Variants in ARHGAP6 observed in about 807,000 individuals in gnomAD.
ARHGAP6 encodes the protein Rho GTPase activating protein 6.
A neutral mutation model predicts 55.7 loss-of-function variants in ARHGAP6; 16 were observed. The observed-to-expected ratio is 0.29, with a 90% confidence interval of 0.19 to 0.44. ARHGAP6 has a LOEUF of 0.44. Among genes scored for constraint, ARHGAP6 ranks in the 20% least tolerant of loss-of-function variants. The probability of loss-of-function intolerance (pLI) is 1.00; values close to 1 mark genes in which losing one functional copy is unlikely to be tolerated. For synonymous variants in ARHGAP6, 382 were observed against 360.9 expected, an observed-to-expected ratio of 1.06 and a Z score of -0.66; for missense variants, 698 against 808.9, an observed-to-expected ratio of 0.86 and a Z score of 1.66.
intron 1 of ARHGAP6, among the ~76,000 whole-genome samples, chrX:11,453,121 C>A (rs2050158463): frequency 9.4e-6 from 1 of 106,332 alleles, no homozygotes; most frequent in African/African-American, 3.4e-5. Context: ...TAGAAGTGGT[C>A]AAGCTAAAAT....
At chrX:11,458,348 G>A (rs1338252949) in intron 1 of ARHGAP6, among the ~76,000 whole-genome samples, 2 of 112,266 alleles carry the variant, frequency 1.8e-5, no homozygotes, top group African/African-American at 6.5e-5. Flanking sequence ...AAGCAGCAGG[G>A]CAGGAATAAG....
chrX:11,625,042 C>A (rs1019115744), intron 1 of ARHGAP6, among the ~76,000 whole-genome samples: 3 of 111,744 alleles, frequency 2.7e-5, no homozygotes, highest in African/African-American at 9.8e-5. Context: ...AAAGGCAATG[C>A]TAGTATACTG....
At chrX:11,653,086 G>A (rs1379397307) in intron 1 of ARHGAP6, among the ~76,000 whole-genome samples, 1 of 111,899 alleles carries the variant, frequency 8.9e-6, no homozygotes, top group Non-Finnish European at 1.9e-5. Context: ...GTAGTATGTG[G>A]AAATAAAAAC....
At chrX:11,620,385 A>T (rs749107156) in intron 1 of ARHGAP6, among the ~76,000 whole-genome samples, 7 of 112,610 alleles carry the variant, frequency 6.2e-5, no homozygotes, top group African/African-American at 9.7e-5. Context: ...AATTGTGATA[A>T]GTGAAATATA....
intron 1 of ARHGAP6, among the ~76,000 whole-genome samples, chrX:11,556,139 T>C (rs1207762477): frequency 8.9e-6 from 1 of 111,830 alleles, no homozygotes; most frequent in African/African-American, 3.3e-5. Flanking sequence ...TATAATCACA[T>C]ATCCTTATCA....
intron 1 of ARHGAP6, among the ~76,000 whole-genome samples, chrX:11,422,119 T>C (rs952964276): frequency 9.0e-6 from 1 of 111,213 alleles, no homozygotes; most frequent in African/African-American, 3.3e-5. Context: ...AATGAATATA[T>C]AATATAATAC....
intron 10 of ARHGAP6, among the ~76,000 whole-genome samples, chrX:11,153,970 C>A (rs1294470956): frequency 9.1e-6 from 1 of 109,992 alleles, no homozygotes; most frequent in Non-Finnish European, 1.9e-5. Context: ...CCCCTCCCCC[C>A]ATCCCACAAC....
intron 1 of ARHGAP6, among the ~76,000 whole-genome samples, chrX:11,493,326 A>T (rs1258821425): frequency 8.9e-6 from 1 of 112,029 alleles, no homozygotes; most frequent in Non-Finnish European, 1.9e-5. Context: ...TCAAAGAGTG[A>T]TGCACATGAA....
At chrX:11,417,105 T>TATATACAC (rs1406504776) in intron 1 of ARHGAP6, among the ~76,000 whole-genome samples, 1 of 75,867 alleles carries the variant, frequency 1.3e-5, no homozygotes, top group African/African-American at 5.3e-5. Flanking sequence ...TATATATATA[T>TATATACAC]ACACATACAT....
Position 11,449,192 on chromosome X carries a change from C to T in ARHGAP6, c.589-194485G>A, listed in dbSNP as rs142070568. 7.2e-3 allele frequency among the ~76,000 whole-genome samples: 809 copies of T among 111,789 alleles called. 5 individuals are homozygous for T. Among genetic ancestry groups the T allele is most frequent in the African/African-American group, 0.02 (607 of 30,747 alleles). On this transcript the variant is annotated intron_variant, in intron 1 of 12. Coordinates refer to ENST00000337414, the MANE Select transcript of ARHGAP6 (RefSeq NM_013427.3). The stretch of plus-strand genomic sequence containing the variant: ...GTCAGAATTCTCTCTTGAATCTATA[C>T]GTTTTATTTCCTTTGTGTCCTCACC...
chrX:11,651,151 T>C (rs1174877596), intron 1 of ARHGAP6, among the ~76,000 whole-genome samples: 1 of 111,360 alleles, frequency 9.0e-6, no homozygotes, highest in Non-Finnish European at 1.9e-5. Context: ...TAACTTTTAT[T>C]TTAGGTTTGG....
chrX:11,139,303 T>A lies in ARHGAP6; in HGVS notation c.2485A>T (p.Lys829Ter). The change falls in exon 13 of 13, where the codon AAA becomes TAA. Residue 829 changes from lysine (K) to a stop codon, truncating the protein, a stop_gained. Transcript: ENST00000337414. LOFTEE classifies it low-confidence loss of function (END_TRUNC). ...CSTPHVQVAG[K>*]AERPTARSEQ... ...GACCTGGCCGTGGGCCGCTCGGCTT[T>A]CCCTGCCACCTGGACGTGGGGCGTG... 1 of 1,186,501 alleles carries A rather than the reference T, an allele frequency of 8.4e-7. No individual in the cohort carries two copies.
At chrX:11,238,606 T>C (rs1374112194) in intron 2 of ARHGAP6, among the ~76,000 whole-genome samples, 1 of 112,415 alleles carries the variant, frequency 8.9e-6, no homozygotes, top group East Asian at 2.8e-4. Context: ...AGGAAGACAG[T>C]CTAGCCAGCA....
chrX:11,253,479 C>T lies in ARHGAP6; in HGVS notation c.748+1069G>A, dbSNP rs184687639. Among the ~76,000 whole-genome samples, 8 of 111,947 alleles carry T rather than the reference C, an allele frequency of 7.1e-5. No individual in the cohort carries two copies. In the East Asian group the frequency reaches 2.2e-3, roughly 31 times the overall value. ...CTAGAAGCTTCCTATCCCTCTTCTG[C>T]TTTCCTTTAAGTTTCAGGCACCCTG... On this transcript the variant is annotated intron_variant, in intron 2 of 12. Coordinates refer to ENST00000337414, the MANE Select transcript of ARHGAP6 (RefSeq NM_013427.3).
chrX:11,638,346 T>C (rs2052439523), intron 1 of ARHGAP6, among the ~76,000 whole-genome samples: 1 of 112,048 alleles, frequency 8.9e-6, no homozygotes, highest in Non-Finnish European at 1.9e-5. Flanking sequence ...TTTTTGAAAG[T>C]TGTTTACAAG....
At chrX:11,345,739 C>A (rs2048773200) in intron 1 of ARHGAP6, among the ~76,000 whole-genome samples, 1 of 111,529 alleles carries the variant, frequency 9.0e-6, no homozygotes, top group African/African-American at 3.3e-5. Flanking sequence ...AAGAGCAGTT[C>A]TAACTGAGCA....
At chrX:11,493,556 T>C (rs115010654) in intron 1 of ARHGAP6, among the ~76,000 whole-genome samples, 1 of 111,740 alleles carries the variant, frequency 8.9e-6, no homozygotes, top group African/African-American at 3.3e-5. Flanking sequence ...TATTCATTGG[T>C]GTGACTGTGT....
At chrX:11,179,184 A>C in intron 7 of ARHGAP6, 118 bp downstream of exon 7, 19 of 714,432 alleles carry the variant, frequency 2.7e-5, no homozygotes, top group South Asian at 4.1e-5. Flanking sequence ...CTCACTCTTT[A>C]GAGATTGATA....
At position 11,664,938 on chromosome X, in the gene ARHGAP6, C is replaced by T. The variant is rs1039647037; in HGVS notation, c.-110G>A. 2.5e-5 allele frequency: 21 copies of T among 837,392 alleles called. No homozygotes were observed. Among genetic ancestry groups the T allele is most frequent in the Non-Finnish European group, 3.3e-5 (20 of 610,999 alleles). The allele number at this position is 837,392 out of a possible 1,213,427, so 69.0% of individuals were successfully genotyped here. A position where few individuals can be genotyped will look rare whatever the true frequency, so the allele number is the denominator to read the frequency against. Reference sequence around the variant, plus strand: ...GCAAAGGTGCCAGGCGGGGCTGGCCCGGGGTTTGCCCAGGGCAGTGGAGAG... The same window carrying T: ...GCAAAGGTGCCAGGCGGGGCTGGCCTGGGGTTTGCCCAGGGCAGTGGAGAG... On this transcript the variant is annotated 5_prime_UTR_variant, in exon 1 of 13. Transcript: ENST00000337414.
Sources: allele counts gnomAD v4.1 joint callset (sites outside exome capture counted in the v4.1 genomes callset), GRCh38; gene constraint gnomAD v4.1.1; transcripts MANE v1.5; gene names NCBI Gene and HGNC (gene_info 2026-07-23, HGNC 2026-07-21).